The following NEK6 variants were observed in gnomAD, a reference collection of about 807,000 sequenced individuals.
NEK6 encodes the protein NIMA related kinase 6.
A neutral mutation model predicts 43.5 loss-of-function variants in NEK6; 27 were observed. The observed-to-expected ratio is 0.62, with a 90% CI of 0.46 to 0.86. The LOEUF (loss-of-function observed/expected upper bound fraction) is 0.86. Among genes scored for constraint, NEK6 ranks in the 40% least tolerant of loss-of-function variants. The probability of loss-of-function intolerance (pLI) is 0.00; values close to 1 mark genes in which losing one functional copy is unlikely to be tolerated. For missense variants in NEK6, 318 were observed against 414.4 expected (o/e 0.77, Z 2.02); for synonymous variants, 167 against 164.1 (o/e 1.02, Z -0.14).
intron 7 of NEK6, among the ~76,000 whole-genome samples, chr9:124,331,794 G>C (rs1164003159): frequency 6.6e-6 from 1 of 152,226 alleles, no homozygotes; most frequent in African/African-American, 2.4e-5. Context: ...TTCATGGCCA[G>C]GCATCCCTGG....
At chr9:124,258,168 C>G (rs1409519646) in intron 1 of NEK6, 83 bp downstream of exon 1, 27 of 975,948 alleles carry the variant, frequency 2.8e-5, no homozygotes, top group Non-Finnish European at 3.3e-5. Context: ...GGCCGTCACC[C>G]CCAGCCGGGC....
At chr9:124,265,650 G>A (rs1831201939) in intron 1 of NEK6, 1 of 152,260 alleles carries the variant, frequency 6.6e-6, no homozygotes, top group African/African-American at 2.4e-5. Flanking sequence ...CTGCTCTGTA[G>A]CCTAAATCAG....
rs77054735 is a variant in NEK6, at chr9:124,270,313, G to A, written c.-30+12228G>A. On this transcript the variant is annotated intron_variant, in intron 1 of 9. Coordinates refer to ENST00000320246, the MANE Select transcript of NEK6 (RefSeq NM_014397.6). ...GTTCACCCCACAAGACCTGCAGGGCGGGGGCTGAGTGTCCAAGAAGCCTCT... is the reference window on the plus strand; with the variant it reads ...GTTCACCCCACAAGACCTGCAGGGCAGGGGCTGAGTGTCCAAGAAGCCTCT... Among the ~76,000 whole-genome samples the A allele has an allele frequency of 4.5e-3, 687 of 152,320 alleles. 3 individuals carry two copies. Among genetic ancestry groups the A allele is most frequent in the African/African-American group, 0.015 (618 of 41,566 alleles).
chr9:124,293,003 A>G, intron 1 of NEK6: 1 of 1,568,028 alleles, frequency 6.4e-7, no homozygotes, highest in Non-Finnish European at 8.6e-7. Flanking sequence ...AGAGCCTGCC[A>G]AGGCCTCGAG....
intron 1 of NEK6, among the ~76,000 whole-genome samples, chr9:124,299,325 T>G (rs1301674956): frequency 1.3e-5 from 2 of 152,244 alleles, no homozygotes; most frequent in African/African-American, 4.8e-5. Context: ...CATGTCACCC[T>G]GAGGGGTCTA....
intron 1 of NEK6, chr9:124,261,276 GT>G: frequency 2.2e-6 from 1 of 456,914 alleles, no homozygotes; most frequent in South Asian, 9.2e-5. Context: ...AAGGGCTGCT[GT>G]TCACATTTTT....
intron 1 of NEK6, among the ~76,000 whole-genome samples, chr9:124,269,267 T>C (rs1326874003): frequency 6.6e-6 from 1 of 152,106 alleles, no homozygotes; most frequent in Non-Finnish European, 1.5e-5. Flanking sequence ...GCTGACCCCA[T>C]TCTGCATTCT....
chr9:124,293,211 C>G (rs1280662413), intron 1 of NEK6, among the ~76,000 whole-genome samples: 1 of 152,208 alleles, frequency 6.6e-6, no homozygotes, highest in Non-Finnish European at 1.5e-5. Flanking sequence ...TGCTGCTTAT[C>G]AGCTGCATGA....
intron 7 of NEK6, among the ~76,000 whole-genome samples, chr9:124,330,600 C>T (rs949905650): frequency 2.0e-5 from 3 of 152,366 alleles, no homozygotes; most frequent in South Asian, 2.1e-4. Flanking sequence ...ATCAGGTACT[C>T]GAGGTCACGG....
chr9:124,265,185 C>T lies in NEK6; in HGVS notation c.-30+7100C>T, dbSNP rs966034527. Among the ~76,000 whole-genome samples the T allele has an allele frequency of 1.2e-4, 19 of 152,100 alleles. No homozygotes were observed. In the East Asian group the frequency reaches 3.1e-3, roughly 25 times the overall value. On this transcript the variant is annotated intron_variant, in intron 1 of 9. Coordinates refer to ENST00000320246, the MANE Select transcript of NEK6 (RefSeq NM_014397.6). ...TGTGATTGTAATACATCCCATCCAG[C>T]GGTTTGCTTTAAAGTGGTTAAATAT... is the stretch of plus-strand genomic sequence containing the variant.
chr9:124,261,401 G>C (rs1370609925), intron 1 of NEK6: 2 of 985,402 alleles, frequency 2.0e-6, no homozygotes, highest in Non-Finnish European at 2.4e-6. Context: ...GGGAGTTGGA[G>C]GGTGGAGAGT....
intron 1 of NEK6, among the ~76,000 whole-genome samples, chr9:124,295,427 G>T (rs1023161608): frequency 2.6e-5 from 4 of 152,174 alleles, no homozygotes; most frequent in Admixed American, 2.6e-4. Context: ...AAGAAGCGGG[G>T]CTGGGGCTGG....
At chr9:124,292,245 C>T (rs554483091) in intron 1 of NEK6, among the ~76,000 whole-genome samples, 3 of 152,342 alleles carry the variant, frequency 2.0e-5, no homozygotes, top group Non-Finnish European at 2.9e-5. Flanking sequence ...GGCTCAGCCA[C>T]CTGCTGGTGG....
chr9:124,292,180 C>T, intron 1 of NEK6: 2 of 1,262,072 alleles, frequency 1.6e-6, no homozygotes, highest in African/African-American at 1.5e-5. Context: ...CCAGGGACCT[C>T]CAGGGCTGGA....
chr9:124,295,063 G>T (rs1444000971), intron 1 of NEK6, among the ~76,000 whole-genome samples: 1 of 152,220 alleles, frequency 6.6e-6, no homozygotes, highest in Non-Finnish European at 1.5e-5. Flanking sequence ...CCAATCAGCT[G>T]GCCTCCTGAT....
intron 8 of NEK6, among the ~76,000 whole-genome samples, chr9:124,341,561 CAGG>C (rs970204603): frequency 3.6e-4 from 55 of 152,288 alleles, no homozygotes; most frequent in African/African-American, 1.3e-3. Context: ...GCATCGGTTG[CAGG>C]AGGAGCTCTT....
At chr9:124,289,555 G>A (rs991608623) in intron 1 of NEK6, among the ~76,000 whole-genome samples, 8 of 152,132 alleles carry the variant, frequency 5.3e-5, no homozygotes, top group Admixed American at 1.3e-4. Flanking sequence ...ACAGCCCCAC[G>A]TCACTATGGC....
At chr9:124,284,419 C>T (rs1028623787) in intron 1 of NEK6, among the ~76,000 whole-genome samples, 2 of 152,224 alleles carry the variant, frequency 1.3e-5, no homozygotes, top group African/African-American at 4.8e-5. Context: ...AAACATGAGG[C>T]CTCAAGTGAA....
chr9:124,307,870 G>A (rs555511648), intron 2 of NEK6, among the ~76,000 whole-genome samples: 64 of 152,320 alleles, frequency 4.2e-4, no homozygotes, highest in African/African-American at 1.5e-3. Flanking sequence ...CCGCCGAGGG[G>A]TGGGAACGGC....
Sources: allele counts gnomAD v4.1 joint callset (sites outside exome capture counted in the v4.1 genomes callset), GRCh38; gene constraint gnomAD v4.1.1; transcripts MANE v1.5; gene names NCBI Gene and HGNC (gene_info 2026-07-23, HGNC 2026-07-21).